ATP2B4: variants seen among roughly 807,000 people sequenced by gnomAD.
ATP2B4 encodes plasma membrane calcium-transporting ATPase 4.
ATP2B4 carries 39 observed loss-of-function variants against 110.3 expected under a neutral mutation model. The ratio of observed to expected loss-of-function variants is 0.35; its 90% CI spans 0.27 to 0.46. The LOEUF (loss-of-function observed/expected upper bound fraction) is 0.46, where lower values mean the gene tolerates loss of function less well. Ranked by LOEUF, ATP2B4 falls within the 20% of genes least tolerant of loss-of-function variation. The pLI is 1.00. For synonymous variants in ATP2B4, 538 were observed against 571.7 expected (o/e 0.94, Z 0.84); for missense variants, 1,135 against 1,530.9 (o/e 0.74, Z 4.32).
At chr1:203,650,653 C>T (rs894717253) in intron 1 of ATP2B4, among the ~76,000 whole-genome samples, 2 of 152,088 alleles carry the variant, frequency 1.3e-5, no homozygotes, top group South Asian at 4.1e-4. Context: ...GGGGCGAGGG[C>T]GGGCGGGGAG....
At chr1:203,695,073 C>T (rs1326762120) in intron 2 of ATP2B4, among the ~76,000 whole-genome samples, 1 of 152,086 alleles carries the variant, frequency 6.6e-6, no homozygotes, top group Non-Finnish European at 1.5e-5. Flanking sequence ...TGGGGTGCAC[C>T]TTATGATCTT....
chr1:203,715,720 C>G lies in ATP2B4; in HGVS notation c.2406+1443C>G, dbSNP rs578123276. On this transcript the variant is annotated intron_variant, in intron 15 of 20. Transcript: ENST00000357681. ...ATGCTTCCTTACTATCATGAAATTT[C>G]TAGTTTGTTCACATTTTCCTAACTG... 9.0e-5 allele frequency among the ~76,000 whole-genome samples: 13 copies of G among 144,626 alleles called. 1 individual carries two copies. The highest frequency in any genetic ancestry group is 8.9e-4 in the Admixed American group (13 of 14,554). The allele number at this position is 144,626 out of a possible 152,430, so 94.9% of individuals were successfully genotyped here.
chr1:203,636,211 C>A (rs1663431710), intron 1 of ATP2B4, among the ~76,000 whole-genome samples: 1 of 152,218 alleles, frequency 6.6e-6, no homozygotes, highest in Non-Finnish European at 1.5e-5. Flanking sequence ...AAGAAACCAG[C>A]AAGCAGTGCC....
chr1:203,658,469 C>A (rs141286421), intron 1 of ATP2B4, among the ~76,000 whole-genome samples: 2 of 150,784 alleles, frequency 1.3e-5, no homozygotes, highest in Non-Finnish European at 3.0e-5. Flanking sequence ...AGATTCAGTC[C>A]GCAGTGAGCT....
chr1:203,699,728 C>T lies in ATP2B4; in HGVS notation c.649+11C>T, dbSNP rs375257658. 7.4e-6 allele frequency: 12 copies of T among 1,611,960 alleles called. No individual in the cohort carries two copies. Among genetic ancestry groups the T allele is most frequent in the East Asian group, 2.2e-5 (1 of 44,826 alleles). ...CCCAAGTCAAATACGGTGAGAGCTC[C>T]GTGTTTCTTTTGCTTACCCCACCAC... On this transcript the variant is annotated intron_variant, in intron 4 of 20. Coordinates refer to ENST00000357681, the MANE Select transcript of ATP2B4 (RefSeq NM_001684.5).
chr1:203,688,823 G>T (rs1462525919), intron 2 of ATP2B4, among the ~76,000 whole-genome samples: 2 of 150,456 alleles, frequency 1.3e-5, no homozygotes, highest in Non-Finnish European at 2.9e-5. Flanking sequence ...ACATAAAAGA[G>T]AATACATGTT....
At chr1:203,631,057 A>G (rs1351580135) in intron 1 of ATP2B4, among the ~76,000 whole-genome samples, 3 of 152,108 alleles carry the variant, frequency 2.0e-5, no homozygotes, top group Non-Finnish European at 4.4e-5. Flanking sequence ...TTCTGCCTCT[A>G]CCTTAAGCCA....
At chr1:203,650,506 C>T (rs2102317228) in intron 1 of ATP2B4, among the ~76,000 whole-genome samples, 1 of 152,330 alleles carries the variant, frequency 6.6e-6, no homozygotes, top group East Asian at 1.9e-4. Context: ...CTGTGCTGAG[C>T]CAGGCCTCCA....
At position 203,740,441 on chromosome 1, in the gene ATP2B4, C is replaced by CTTTTTTTTTTTTTTTTT; in HGVS notation, c.*589_*605dup. Reference sequence around the variant, plus strand: ...TTGTCTTTTGTCTTCCCTTCCTTTCCTTTTTTTTTTTTTTTTTTATGATGA... The same window carrying CTTTTTTTTTTTTTTTTT: ...TTGTCTTTTGTCTTCCCTTCCTTTCCTTTTTTTTTTTTTTTTTTTTTTTTTTTTTTTTTTTATGATGA... On this transcript the variant is annotated 3_prime_UTR_variant, in exon 21 of 21. Coordinates refer to ENST00000357681, the MANE Select transcript of ATP2B4 (RefSeq NM_001684.5). 1 of 133,944 alleles carries CTTTTTTTTTTTTTTTTT rather than the reference C, an allele frequency of 7.5e-6. No individual in the cohort carries two copies. Among genetic ancestry groups the CTTTTTTTTTTTTTTTTT allele is most frequent in the Non-Finnish European group, 1.6e-5 (1 of 62,522 alleles). The allele number at this position is 133,944 out of a possible 1,614,324, so 8.3% of individuals were successfully genotyped here.
At position 203,714,126 on chromosome 1, in the gene ATP2B4, G is replaced by T. The variant is rs201685722; in HGVS notation, c.2300-45G>T. Reference sequence around the variant, plus strand: ...TGGCGGGTGGTAGGAACTGAAGGGTGGGGGAGACCAGAAAAGCTCACTGTG... The same window carrying T: ...TGGCGGGTGGTAGGAACTGAAGGGTTGGGGAGACCAGAAAAGCTCACTGTG... On this transcript the variant is annotated intron_variant, in intron 14 of 20. Transcript: ENST00000357681. The T allele has an allele frequency of 5.8e-6, 9 of 1,559,686 alleles. No homozygotes were observed. The East Asian group carries it at 1.8e-4, about 31-fold the overall frequency.
chr1:203,630,505 T>A (rs749992369), intron 1 of ATP2B4, among the ~76,000 whole-genome samples: 17 of 151,918 alleles, frequency 1.1e-4, no homozygotes, highest in Admixed American at 7.9e-4. Flanking sequence ...TCATTCTTAG[T>A]CCCCAGAATG....
rs201010085 is a variant in ATP2B4 at position 203,711,057 on chromosome 1, C to A, written c.1980C>A (p.Thr660=). Residue 660 remains threonine (T), a synonymous_variant, in exon 12 of 21, where the codon ACC becomes ACA. Transcript: ENST00000357681. ...GGGACAATGAGAATGAGATCCTCACCGAACTGACCTGTATCGCGGTGGTGG... is the reference window on the plus strand; with the variant it reads ...GGGACAATGAGAATGAGATCCTCACAGAACTGACCTGTATCGCGGTGGTGG... ...PSWDNENEIL[T]ELTCIAVVGI... is the part of the protein sequence containing the mutation. 6.2e-7 allele frequency: 1 copy of A among 1,614,104 alleles called. No individual in the cohort carries two copies. Among genetic ancestry groups the A allele is most frequent in the East Asian group, 2.2e-5 (1 of 44,870 alleles).
intron 20 of ATP2B4, among the ~76,000 whole-genome samples, chr1:203,736,932 C>A (rs1666892306): frequency 6.6e-6 from 1 of 152,216 alleles, no homozygotes; most frequent in African/African-American, 2.4e-5. Context: ...TCTCCACCCA[C>A]CAAGCCAGCT....
Position 203,685,004 on chromosome 1 carries a change from C to G in ATP2B4, c.193+1606C>G, listed in dbSNP as rs374105469. On this transcript the variant is annotated intron_variant, in intron 2 of 20. Coordinates refer to ENST00000357681, the MANE Select transcript of ATP2B4 (RefSeq NM_001684.5). Reference sequence around the variant, plus strand: ...TCAGCCTCCTGAGTAGCTGGGGTTACAGGCATGTGGCTAATTTTGTATTTT... The same window carrying G: ...TCAGCCTCCTGAGTAGCTGGGGTTAGAGGCATGTGGCTAATTTTGTATTTT... 4.8e-4 allele frequency among the ~76,000 whole-genome samples: 73 copies of G among 152,260 alleles called. 1 individual carries two copies. The highest frequency in any genetic ancestry group is 1.7e-3 in the African/African-American group (72 of 41,532).
In ATP2B4 at chr1:203,655,750, A is replaced by G. The variant is rs945251334; in HGVS notation, c.-464-26992A>G. 2.6e-5 allele frequency among the ~76,000 whole-genome samples: 4 copies of G among 152,270 alleles called. No individual in the cohort carries two copies. The South Asian group carries it at 6.2e-4, about 24-fold the overall frequency. On this transcript the variant is annotated intron_variant, in intron 1 of 20. Transcript: ENST00000357681. ...TATAGAGAAGTCTCACTAAAAAGTC[A>G]ATCAATGCAGCAAACTTTATTGTTG...
intron 2 of ATP2B4, among the ~76,000 whole-genome samples, chr1:203,686,463 T>C (rs931904595): frequency 1.2e-4 from 18 of 152,244 alleles, no homozygotes; most frequent in African/African-American, 3.9e-4. Context: ...TATATTCTAC[T>C]TTCTGTCAAC....
intron 20 of ATP2B4, among the ~76,000 whole-genome samples, chr1:203,735,243 T>C (rs957787978): frequency 3.9e-5 from 6 of 152,172 alleles, no homozygotes; most frequent in African/African-American, 1.2e-4. Context: ...GGACTTGCAA[T>C]TGGAGTATTA....
At position 203,727,278 on chromosome 1, in the gene ATP2B4, G is replaced by C. The variant is rs1666552533; in HGVS notation, c.3133-117G>C. 2.5e-6 allele frequency: 3 copies of C among 1,206,106 alleles called. No individual in the cohort carries two copies. The East Asian group carries it at 7.3e-5, about 29-fold the overall frequency. The allele number at this position is 1,206,106 out of a possible 1,614,324, so 74.7% of individuals were successfully genotyped here. A position where few individuals can be genotyped will look rare whatever the true frequency, so the allele number is the denominator to read the frequency against. On this transcript the variant is annotated intron_variant, in intron 19 of 20. Coordinates refer to ENST00000357681, the MANE Select transcript of ATP2B4 (RefSeq NM_001684.5). The stretch of plus-strand genomic sequence containing the variant: ...GGTGCTTCTGCCCACTGCTCTTCCA[G>C]TGGGAAGGGTGGTAGGGCAAAGAGT...
intron 6 of ATP2B4, 24 bp downstream of exon 6, chr1:203,700,947 T>A: frequency 6.2e-7 from 1 of 1,605,172 alleles, no homozygotes; most frequent in South Asian, 1.1e-5. Context: ...GGAATGAGAT[T>A]CTCTTTCCTC....
Sources: allele counts gnomAD v4.1 joint callset (sites outside exome capture counted in the v4.1 genomes callset), GRCh38; gene constraint gnomAD v4.1.1; transcripts MANE v1.5; gene names NCBI Gene and HGNC (gene_info 2026-07-23, HGNC 2026-07-21).